Variants in EPB41L2 observed in about 807,000 individuals in gnomAD.
EPB41L2 encodes the protein erythrocyte membrane protein band 4.1 like 2, also known as band 4.1-like protein 2.
A neutral mutation model predicts 113.0 loss-of-function variants in EPB41L2; 43 were observed. The ratio of observed to expected loss-of-function variants is 0.38; its 90% CI spans 0.30 to 0.49. The LOEUF (loss-of-function observed/expected upper bound fraction) is 0.49, where lower values mean the gene tolerates loss of function less well. Among genes scored for constraint, EPB41L2 ranks in the 20% least tolerant of loss-of-function variants. The pLI is 0.95. For synonymous variants in EPB41L2, 442 were observed against 436.7 expected (o/e 1.01, Z -0.15); for missense variants, 1,147 against 1,223.4 (o/e 0.94, Z 0.93).
intron 1 of EPB41L2, among the ~76,000 whole-genome samples, chr6:131,051,469 C>A (rs35250412): frequency 0.34 from 28,629 of 83,850 alleles, 3,571 homozygotes; most frequent in African/African-American, 0.44. Flanking sequence ...AAAAAAAACA[C>A]ACACACACAC....
chr6:130,928,684 C>T (rs3777456), intron 3 of EPB41L2, among the ~76,000 whole-genome samples: 1 of 152,228 alleles, frequency 6.6e-6, no homozygotes, highest in Non-Finnish European at 1.5e-5. Context: ...ATCCACACAG[C>T]TCACCACTAC....
At chr6:130,929,750 T>C (rs1019968544) in intron 3 of EPB41L2, among the ~76,000 whole-genome samples, 6 of 151,874 alleles carry the variant, frequency 4.0e-5, no homozygotes, top group South Asian at 4.2e-4. Context: ...GCCTACAAGA[T>C]AGCCTGATAC....
At chr6:131,039,217 A>G (rs1793957224) in intron 1 of EPB41L2, among the ~76,000 whole-genome samples, 1 of 152,222 alleles carries the variant, frequency 6.6e-6, no homozygotes. Flanking sequence ...TAGCTATGTT[A>G]TGTTGGAATA....
chr6:130,846,429 A>T (rs1582571110), intron 19 of EPB41L2, among the ~76,000 whole-genome samples: 1 of 152,238 alleles, frequency 6.6e-6, no homozygotes, highest in Non-Finnish European at 1.5e-5. Flanking sequence ...GAGACCATTC[A>T]GTTTGAGAAC....
chr6:131,042,885 T>A (rs1794719484), intron 1 of EPB41L2, among the ~76,000 whole-genome samples: 1 of 152,230 alleles, frequency 6.6e-6, no homozygotes, highest in Admixed American at 6.5e-5. Flanking sequence ...GAAATTCTTG[T>A]GTAATCTGTA....
intron 3 of EPB41L2, among the ~76,000 whole-genome samples, chr6:130,949,474 A>G (rs1046316817): frequency 2.6e-5 from 4 of 152,104 alleles, no homozygotes; most frequent in South Asian, 2.1e-4. Flanking sequence ...ATGGTGGCAT[A>G]TATCTGTAGC....
At chr6:130,846,282 CT>C (rs1777021265) in intron 19 of EPB41L2, among the ~76,000 whole-genome samples, 1 of 152,186 alleles carries the variant, frequency 6.6e-6, no homozygotes, top group Admixed American at 6.5e-5. Flanking sequence ...ACTTCTTTCA[CT>C]ATGTGATGAT....
chr6:130,960,940 G>A (rs1273858560), intron 1 of EPB41L2, among the ~76,000 whole-genome samples: 3 of 152,056 alleles, frequency 2.0e-5, no homozygotes, highest in African/African-American at 7.2e-5. Flanking sequence ...CATCTAGACT[G>A]GCACATAATA....
intron 1 of EPB41L2, among the ~76,000 whole-genome samples, chr6:131,000,052 A>T (rs1784027892): frequency 6.6e-6 from 1 of 152,102 alleles, no homozygotes; most frequent in Non-Finnish European, 1.5e-5. Flanking sequence ...TGCCAAATAT[A>T]CTTTCCTCTT....
At chr6:130,937,880 A>G (rs950538871) in intron 3 of EPB41L2, among the ~76,000 whole-genome samples, 5 of 150,618 alleles carry the variant, frequency 3.3e-5, no homozygotes, top group African/African-American at 1.2e-4. Flanking sequence ...ACAATCTTCA[A>G]TGACAACTAT....
rs1279096603 is a variant in EPB41L2, at chr6:130,938,279, T to C, written c.706-11570A>G. Reference sequence around the variant, plus strand: ...TTTGAGATATCTCAGTTTTTAAACATTGATCTACTTGGGGCAACAGTGTTT... The same window carrying C: ...TTTGAGATATCTCAGTTTTTAAACACTGATCTACTTGGGGCAACAGTGTTT... On this transcript the variant is annotated intron_variant, in intron 3 of 19. Transcript: ENST00000337057. Among the ~76,000 whole-genome samples, 3 of 152,226 alleles carry C rather than the reference T, an allele frequency of 2.0e-5. No individual in the cohort carries two copies. The East Asian group carries it at 5.8e-4, about 29-fold the overall frequency.
At chr6:130,894,812 T>G (rs553537801) in intron 9 of EPB41L2, among the ~76,000 whole-genome samples, 155 bp downstream of exon 9, 1 of 152,176 alleles carries the variant, frequency 6.6e-6, no homozygotes, top group African/African-American at 2.4e-5. Flanking sequence ...GACGTATATA[T>G]ACTGCAATTT....
intron 12 of EPB41L2, chr6:130,881,744 G>A (rs971253505): frequency 6.6e-6 from 1 of 151,998 alleles, no homozygotes; most frequent in Non-Finnish European, 1.5e-5. Context: ...AGCACTATGA[G>A]GCCCAATCTT....
At chr6:131,000,561 T>TA (rs1021605115) in intron 1 of EPB41L2, 1 of 151,988 alleles carries the variant, frequency 6.6e-6, no homozygotes, top group South Asian at 2.1e-4. Context: ...AATAACACAG[T>TA]AAAAAACAGA....
intron 18 of EPB41L2, among the ~76,000 whole-genome samples, chr6:130,858,782 C>G (rs909680932): frequency 6.6e-6 from 1 of 152,212 alleles, no homozygotes; most frequent in Non-Finnish European, 1.5e-5. Context: ...GTTTGCTGAA[C>G]TAAAAGACTG....
chr6:130,853,281 TA>T (rs1779281960), intron 19 of EPB41L2, among the ~76,000 whole-genome samples: 1 of 152,180 alleles, frequency 6.6e-6, no homozygotes, highest in Non-Finnish European at 1.5e-5. Flanking sequence ...ATTATTACTC[TA>T]AGAGTCAGAG....
chr6:130,867,767 CAT>C (rs1784270427), intron 15 of EPB41L2, 186 bp from the exon 16 acceptor site: 1 of 608,856 alleles, frequency 1.6e-6, no homozygotes, highest in African/African-American at 1.9e-5. Context: ...TCAAATATAT[CAT>C]ATATACACAT....
chr6:131,037,806 C>G (rs547641042), intron 1 of EPB41L2, among the ~76,000 whole-genome samples: 1 of 152,070 alleles, frequency 6.6e-6, no homozygotes, highest in Admixed American at 6.5e-5. Flanking sequence ...CCAAGCTGGT[C>G]TCAAACTCTT....
intron 1 of EPB41L2, among the ~76,000 whole-genome samples, chr6:131,036,836 C>A (rs1793419796): frequency 6.6e-6 from 1 of 152,028 alleles, no homozygotes; most frequent in Non-Finnish European, 1.5e-5. Context: ...GAGAATAGGC[C>A]AGAAGTGATG....
Sources: allele counts gnomAD v4.1 joint callset (sites outside exome capture counted in the v4.1 genomes callset), GRCh38; gene constraint gnomAD v4.1.1; transcripts MANE v1.5; gene names NCBI Gene and HGNC (gene_info 2026-07-23, HGNC 2026-07-21).